Variants in PTPRM observed in about 807,000 individuals in gnomAD.
PTPRM encodes the protein receptor-type tyrosine-protein phosphatase mu.
In PTPRM, 47 loss-of-function variants were observed where a neutral mutation model predicts 186.7. The observed-to-expected ratio is 0.25, with a 90% CI of 0.20 to 0.32. PTPRM has a LOEUF of 0.32. PTPRM is among the 10% of genes least tolerant of loss of function. PTPRM has a pLI of 1.00. For synonymous variants in PTPRM, 668 were observed against 674.9 expected (o/e 0.99, Z 0.16); for missense variants, 1,494 against 1,865.0 (o/e 0.80, Z 3.66).
In PTPRM at chr18:8,380,424, C is replaced by T. The variant is rs943741727; in HGVS notation, c.3915C>T (p.Ala1305=). 6.2e-6 allele frequency: 10 copies of T among 1,613,966 alleles called. No homozygotes were observed. In the African/African-American group the frequency reaches 9.3e-5, roughly 15 times the overall value. The change falls in exon 29 of 33, where the codon GCC becomes GCT. Residue 1305 remains alanine (A), a synonymous_variant. Coordinates refer to ENST00000580170, the MANE Select transcript of PTPRM (RefSeq NM_001105244.2). ...TTATGCTAAATGATGTGGATCCTGCCCAGGTGAGACCCGGACTTCTTACAG... is the reference window on the plus strand; with the variant it reads ...TTATGCTAAATGATGTGGATCCTGCTCAGGTGAGACCCGGACTTCTTACAG... The part of the protein sequence containing the change: ...SVVMLNDVDP[A]QLCPQYWPEN...
At chr18:7,953,120 T>C (rs1328123413) in intron 6 of PTPRM, among the ~76,000 whole-genome samples, 4 of 152,226 alleles carry the variant, frequency 2.6e-5, no homozygotes, top group Non-Finnish European at 5.9e-5. Flanking sequence ...TTCATTTGAT[T>C]TAGCATATCT....
Position 7,942,528 on chromosome 18 carries a change from A to G in PTPRM, c.664-6653A>G, listed in dbSNP as rs114121992. The stretch of plus-strand genomic sequence containing the variant: ...AGATACAGGGCAGGATACCTGCCAC[A>G]TGAAGGCCTTTAGGGGAGGATGGAG... On this transcript the variant is annotated intron_variant, in intron 5 of 32. Transcript: ENST00000580170. Among the ~76,000 whole-genome samples the G allele has an allele frequency of 5.5e-3, 836 of 151,956 alleles. 6 individuals are homozygous for G. Among genetic ancestry groups the G allele is most frequent in the African/African-American group, 0.019 (798 of 41,448 alleles).
rs150995460 is a variant in PTPRM at position 7,964,827 on chromosome 18, CTT to C, written c.1132+9414_1132+9415del. Reference sequence around the variant, plus strand: ...CTGGGAAAACTTTTTGTTTTGCCTCCTTAAGGTGTGGTCGGGATAGAAAATAG... The same window carrying C: ...CTGGGAAAACTTTTTGTTTTGCCTCCAAGGTGTGGTCGGGATAGAAAATAG... On this transcript the variant is annotated intron_variant, in intron 7 of 32. Coordinates refer to ENST00000580170, the MANE Select transcript of PTPRM (RefSeq NM_001105244.2). Among the ~76,000 whole-genome samples the C allele has an allele frequency of 8.7e-3, 1,324 of 152,174 alleles. 15 individuals are homozygous for C. The highest frequency in any genetic ancestry group is 0.03 in the African/African-American group (1,241 of 41,512).
intron 1 of PTPRM, among the ~76,000 whole-genome samples, chr18:7,604,712 G>A (rs2037487746): frequency 6.6e-6 from 1 of 152,196 alleles, no homozygotes; most frequent in African/African-American, 2.4e-5. Flanking sequence ...TATACAGAAA[G>A]GGCCACAGAG....
In PTPRM at chr18:7,588,494, C is replaced by T. The variant is rs983290376; in HGVS notation, c.73+20603C>T. On this transcript the variant is annotated intron_variant, in intron 1 of 32. Coordinates refer to ENST00000580170, the MANE Select transcript of PTPRM (RefSeq NM_001105244.2). ...TAATGCACACCGAATCTAACTAAAT[C>T]TCATTTTTGTGAGTTTTTATTGTAT... Among the ~76,000 whole-genome samples, 3 of 152,226 alleles carry T rather than the reference C, an allele frequency of 2.0e-5. No homozygotes were observed. In the East Asian group the frequency reaches 5.8e-4, roughly 29 times the overall value.
In PTPRM at chr18:8,389,217, G is replaced by A. The variant is rs80112580; in HGVS notation, c.4208+1982G>A. 1.4e-3 allele frequency among the ~76,000 whole-genome samples: 217 copies of A among 152,312 alleles called. 2 individuals are homozygous for A. In the East Asian group the frequency reaches 0.027, roughly 19 times the overall value. On this transcript the variant is annotated intron_variant, in intron 31 of 32. Transcript: ENST00000580170. ...CATCTGGAGACCCCCAGCGTCTGGA[G>A]CTAGATGTATAATGCATCGCTCCCC...
chr18:7,601,581 C>T (rs2037403998), intron 1 of PTPRM, among the ~76,000 whole-genome samples: 1 of 152,238 alleles, frequency 6.6e-6, no homozygotes, highest in African/African-American at 2.4e-5. Context: ...TCCGTCTTCA[C>T]ATCACCTTCT....
intron 2 of PTPRM, among the ~76,000 whole-genome samples, chr18:7,779,589 A>G (rs2042758210): frequency 6.6e-6 from 1 of 152,210 alleles, no homozygotes; most frequent in African/African-American, 2.4e-5. Context: ...CTTATCAGGC[A>G]CATTTTCCTT....
chr18:7,820,290 C>T (rs2045113721), intron 2 of PTPRM, among the ~76,000 whole-genome samples: 1 of 152,038 alleles, frequency 6.6e-6, no homozygotes, highest in Admixed American at 6.6e-5. Context: ...AGGGCCTGGC[C>T]GGGGATTGGT....
intron 14 of PTPRM, among the ~76,000 whole-genome samples, chr18:8,178,654 G>A (rs1349880211): frequency 2.6e-5 from 4 of 152,084 alleles, no homozygotes; most frequent in African/African-American, 9.7e-5. Flanking sequence ...GGGCATGGTG[G>A]TATGTGCCTG....
intron 14 of PTPRM, among the ~76,000 whole-genome samples, chr18:8,237,779 TG>T (rs1022854863): frequency 4.6e-5 from 7 of 152,138 alleles, no homozygotes; most frequent in Non-Finnish European, 1.0e-4. Context: ...AGAAAGTCTT[TG>T]TTTTTCCTTC....
intron 32 of PTPRM, chr18:8,403,540 A>G (rs967471992): frequency 6.6e-6 from 1 of 152,184 alleles, no homozygotes; most frequent in African/African-American, 2.4e-5. Context: ...TTACATGTGT[A>G]ATACCCATGT....
chr18:7,694,431 C>CTT lies in PTPRM; in HGVS notation c.74-79705_74-79704dup, dbSNP rs11369001. ...AGGAAACTCCCTTCTTCCTTCCTTC[C>CTT]TTTTTTTTTTTTTTCGACAGAGTCT... On this transcript the variant is annotated intron_variant, in intron 1 of 32. Coordinates refer to ENST00000580170, the MANE Select transcript of PTPRM (RefSeq NM_001105244.2). Among the ~76,000 whole-genome samples the CTT allele has an allele frequency of 7.0e-3, 972 of 138,266 alleles. 9 individuals are homozygous for CTT. Among genetic ancestry groups the CTT allele is most frequent in the African/African-American group, 0.023 (819 of 35,294 alleles). The allele number at this position is 138,266 out of a possible 152,430, so 90.7% of individuals were successfully genotyped here.
At position 7,841,198 on chromosome 18, in the gene PTPRM, A is replaced by G. The variant is rs192345626; in HGVS notation, c.197-46908A>G. ...GGCTGTTCTGGAGCTTTGCTTTTGC[A>G]TATTGCTTCCTTATAGGAATAGAAT... On this transcript the variant is annotated intron_variant, in intron 2 of 32. Coordinates refer to ENST00000580170, the MANE Select transcript of PTPRM (RefSeq NM_001105244.2). Among the ~76,000 whole-genome samples, 3 of 150,602 alleles carry G rather than the reference A, an allele frequency of 2.0e-5. No individual in the cohort carries two copies. In the East Asian group the frequency reaches 5.9e-4, roughly 29 times the overall value.
intron 1 of PTPRM, among the ~76,000 whole-genome samples, chr18:7,658,380 T>C (rs1178807079): frequency 6.9e-6 from 1 of 143,910 alleles, no homozygotes; most frequent in African/African-American, 2.8e-5. Context: ...ACACACACGC[T>C]ATAAAAATGA....
chr18:7,830,667 T>G (rs1187717667), intron 2 of PTPRM, among the ~76,000 whole-genome samples: 1 of 152,132 alleles, frequency 6.6e-6, no homozygotes, highest in South Asian at 2.1e-4. Context: ...AGGAGATATG[T>G]TCTATTTCCC....
chr18:7,646,387 C>G (rs1272040964), intron 1 of PTPRM, among the ~76,000 whole-genome samples: 1 of 152,188 alleles, frequency 6.6e-6, no homozygotes, highest in Non-Finnish European at 1.5e-5. Context: ...GGTGGTAGAT[C>G]ACCATTGATG....
intron 2 of PTPRM, among the ~76,000 whole-genome samples, chr18:7,813,013 C>A (rs1469300257): frequency 6.6e-6 from 1 of 152,218 alleles, no homozygotes; most frequent in Non-Finnish European, 1.5e-5. Flanking sequence ...CCTTAGCCAC[C>A]TAGCTCTATG....
intron 5 of PTPRM, among the ~76,000 whole-genome samples, chr18:7,935,753 G>A (rs905528566): frequency 6.6e-6 from 1 of 152,186 alleles, no homozygotes; most frequent in Non-Finnish European, 1.5e-5. Flanking sequence ...TGGTGTACAA[G>A]TGGTTTTGTC....
Sources: allele counts gnomAD v4.1 joint callset (sites outside exome capture counted in the v4.1 genomes callset), GRCh38; gene constraint gnomAD v4.1.1; transcripts MANE v1.5; gene names NCBI Gene and HGNC (gene_info 2026-07-23, HGNC 2026-07-21).